Variants in PTPRH observed in about 807,000 individuals in gnomAD.
The protein encoded by PTPRH is receptor-type tyrosine-protein phosphatase H.
Under a neutral mutation model 130.2 loss-of-function variants are expected in PTPRH, and 113 were observed. The ratio of observed to expected loss-of-function variants is 0.87; its 90% CI spans 0.75 to 1.01. PTPRH has a LOEUF of 1.01. Ranked by LOEUF, PTPRH falls within the 50% of genes least tolerant of loss-of-function variation. The pLI is 0.00. For synonymous variants in PTPRH, 556 were observed against 577.9 expected (o/e 0.96, Z 0.54); for missense variants, 1,430 against 1,425.0 (o/e 1.00, Z -0.06).
In PTPRH at chr19:55,196,749, G is replaced by A; in HGVS notation, c.2030C>T (p.Ser677Leu). Reference sequence around the variant, plus strand: ...GATCAAGTTGACTCCATAGCCCGCTGAGGTGCTGACACAGGAAGTGATGGT... The same window carrying A: ...GATCAAGTTGACTCCATAGCCCGCTAAGGTGCTGACACAGGAAGTGATGGT... ...TVTITSCVST[S>L]AGYGVNLIWS... is the part of the protein sequence containing the mutation. Residue 677 changes from serine to leucine, a missense_variant, in exon 10 of 20, where the codon TCA (serine) becomes TTA (leucine). Ser to Leu is a moderately radical substitution (Grantham distance 145). Transcript: ENST00000376350. The A allele has an allele frequency of 6.2e-7, 1 of 1,614,158 alleles. No homozygotes were observed. Among genetic ancestry groups the A allele is most frequent in the Non-Finnish European group, 8.5e-7 (1 of 1,180,024 alleles).
In PTPRH at chr19:55,207,067, C is replaced by T. The variant is rs1477774841; in HGVS notation, c.85+99G>A. ...AAACAACGGCGCTCATAAACCCCTA[C>T]CATGGACCACTGGACCCCACGGGGA... On this transcript the variant is annotated intron_variant, in intron 2 of 19. Coordinates refer to ENST00000376350, the MANE Select transcript of PTPRH (RefSeq NM_002842.5). The T allele has an allele frequency of 1.0e-5, 16 of 1,577,354 alleles. No individual in the cohort carries two copies. In the Admixed American group the frequency reaches 2.9e-4, roughly 28 times the overall value.
chr19:55,203,112 A>G (rs1433790081), intron 5 of PTPRH, among the ~76,000 whole-genome samples: 7 of 151,780 alleles, frequency 4.6e-5, no homozygotes, highest in Non-Finnish European at 5.9e-5. Flanking sequence ...GTGGATCACA[A>G]GGTCAGGAGA....
At chr19:55,206,180 C>T (rs2122338055) in intron 3 of PTPRH, among the ~76,000 whole-genome samples, 1 of 151,720 alleles carries the variant, frequency 6.6e-6, no homozygotes, top group Admixed American at 6.6e-5. Context: ...TTGCAGTGAA[C>T]CAAGATCATG....
intron 14 of PTPRH, 111 bp from the exon 15 acceptor site, chr19:55,186,651 A>G (rs1274549135): frequency 4.8e-6 from 2 of 418,046 alleles, no homozygotes; most frequent in African/African-American, 5.9e-4. Context: ...AGACCCATGG[A>G]CAAAAGTCAT....
chr19:55,197,624 G>A (rs555209730), intron 8 of PTPRH, among the ~76,000 whole-genome samples: 5 of 152,220 alleles, frequency 3.3e-5, no homozygotes, highest in African/African-American at 7.2e-5. Context: ...CTACAGCCCT[G>A]GGTCCCACCC....
chr19:55,183,136 C>T, intron 18 of PTPRH, among the ~76,000 whole-genome samples: 1 of 148,594 alleles, frequency 6.7e-6, no homozygotes. Context: ...TGGCTCACGC[C>T]TGTAATCCCA....
rs753627783 is a variant in PTPRH at position 55,200,358 on chromosome 19, C to T, written c.1298G>A (p.Arg433Gln). Residue 433 changes from arginine to glutamine, a missense_variant, in exon 7 of 20, where the codon CGA becomes CAA. Coordinates refer to ENST00000376350, the MANE Select transcript of PTPRH (RefSeq NM_002842.5). The stretch of plus-strand genomic sequence containing the variant: ...TGTCACACTGGTATTTGTTGTGTTT[C>T]GGGTCTCTGTGCCACCACCGTCTCC... ...YTGDGGGTET[R>Q]NTTNTSVTAE... is the part of the protein sequence containing the mutation. The T allele has an allele frequency of 2.2e-5, 35 of 1,613,908 alleles. No homozygotes were observed. Among genetic ancestry groups the T allele is most frequent in the Middle Eastern group, 1.6e-4 (1 of 6,084 alleles).
intron 12 of PTPRH, among the ~76,000 whole-genome samples, chr19:55,190,550 A>T (rs1007488690): frequency 1.2e-4 from 16 of 133,868 alleles, no homozygotes; most frequent in South Asian, 2.2e-4. Flanking sequence ...TATAATATAT[A>T]ATATATTATA....
chr19:55,198,990 T>G (rs1600053226), intron 7 of PTPRH, 78 bp from the exon 8 acceptor site: 1 of 1,327,492 alleles, frequency 7.5e-7, no homozygotes, highest in Non-Finnish European at 9.8e-7. Flanking sequence ...CGCCCTGTCC[T>G]TGTGCAGCCC....
At position 55,207,289 on chromosome 19, in the gene PTPRH, GCC is replaced by G. The variant is rs1339981112; in HGVS notation, c.52-92_52-91del. 1.9e-5 allele frequency: 26 copies of G among 1,404,244 alleles called. No individual in the cohort carries two copies. The African/African-American group carries it at 3.6e-4, about 19-fold the overall frequency. 87.0% of individuals were successfully genotyped at this position (1,404,244 alleles called of 1,614,324 possible). ...GGGCTGGGAGGAGCGGCTGGTCCCC[GCC>G]CCATGAGTCACCCTTGCATGGGAAG... On this transcript the variant is annotated intron_variant, in intron 1 of 19. Coordinates refer to ENST00000376350, the MANE Select transcript of PTPRH (RefSeq NM_002842.5).
At chr19:55,194,050 A>G (rs762313928) in intron 10 of PTPRH, 7 of 703,428 alleles carry the variant, frequency 1.0e-5, no homozygotes, top group Admixed American at 3.3e-5. Flanking sequence ...GGGTTTCTCC[A>G]TGTTCGTCAG....
rs770613205 is a variant in PTPRH at position 55,197,312 on chromosome 19, A to G, written c.1795T>C (p.Trp599Arg). 1.2e-6 allele frequency: 2 copies of G among 1,614,234 alleles called. No homozygotes were observed. The highest frequency in any genetic ancestry group is 2.2e-5 in the South Asian group (2 of 91,086). Residue 599 changes from tryptophan (W) to arginine (R), a missense_variant, in exon 9 of 20, where the codon TGG becomes CGG. Physicochemically the swap from Trp to Arg is moderately radical, Grantham distance 101. Transcript: ENST00000376350. Reference protein sequence around the residue: ...GDPHSQLYVYWVQWASKGHPR... With the variant: ...GDPHSQLYVYRVQWASKGHPR... ...TGTCCCTTGCTGGCCCACTGGACCC[A>G]GTATACGTACAACTGAGAGTGGGGG... is the stretch of plus-strand genomic sequence containing the variant.
chr19:55,185,464 G>A (rs771874531), intron 18 of PTPRH, 38 bp downstream of exon 18: 19 of 1,605,994 alleles, frequency 1.2e-5, no homozygotes, highest in Admixed American at 3.4e-5. Flanking sequence ...CCAAGGGAGC[G>A]GTTCTCTCAA....
intron 11 of PTPRH, 36 bp from the exon 12 acceptor site, chr19:55,191,584 G>T: frequency 6.2e-7 from 1 of 1,613,210 alleles, no homozygotes; most frequent in Middle Eastern, 1.6e-4. Flanking sequence ...GGCTCAGGGG[G>T]TGAGGCTGCA....
Position 55,205,566 on chromosome 19 carries a change from C to G in PTPRH, c.379G>C (p.Val127Leu). ...ATGGAGCTGTTGGTCTGAGCCTCCA[C>G]TCTCAGGTTCCTCACTGGGTTGGGA... ...TAPNPVRNLR[V>L]EAQTNSSIAL... Residue 127 changes from valine (V) to leucine (L), a missense_variant, in exon 4 of 20, where the codon GTG becomes CTG. By Grantham distance (32) the Val-to-Leu change is conservative (BLOSUM62 1). Transcript: ENST00000376350. 6.2e-7 allele frequency: 1 copy of G among 1,614,248 alleles called. No homozygotes were observed. Among genetic ancestry groups the G allele is most frequent in the Non-Finnish European group, 8.5e-7 (1 of 1,180,044 alleles).
chr19:55,185,130 G>T (rs1344527265), intron 18 of PTPRH, among the ~76,000 whole-genome samples: 1 of 151,916 alleles, frequency 6.6e-6, no homozygotes, highest in Non-Finnish European at 1.5e-5. Context: ...GAGTAGCTGG[G>T]ATTACAGGTG....
chr19:55,189,543 C>T (rs1222106787), intron 12 of PTPRH, among the ~76,000 whole-genome samples: 1 of 152,202 alleles, frequency 6.6e-6, no homozygotes, highest in Admixed American at 6.5e-5. Flanking sequence ...TGTGCTGTTG[C>T]CTCAGGCCCT....
At chr19:55,184,526 C>T (rs962195041) in intron 18 of PTPRH, among the ~76,000 whole-genome samples, 4 of 152,036 alleles carry the variant, frequency 2.6e-5, no homozygotes, top group East Asian at 3.9e-4. Context: ...CGGTGGCTCA[C>T]GCCTGTCATC....
rs760142180 is a variant in PTPRH, at chr19:55,185,977, C to T, written c.2786G>A (p.Cys929Tyr). The change falls in exon 17 of 20, where the codon TGT (cysteine) becomes TAT (tyrosine). Residue 929 changes from cysteine to tyrosine, a missense_variant. Coordinates refer to ENST00000376350, the MANE Select transcript of PTPRH (RefSeq NM_002842.5). The part of the protein sequence containing the change: ...TNCMEAGRVK[C>Y]EHYWPLDSQP... ...CGAGTCCAGAGGCCAGTAATGCTCA[C>T]ACTTCACCTGGGGGAGGAGGAGGGG... 1.7e-5 allele frequency: 27 copies of T among 1,613,822 alleles called. No individual in the cohort carries two copies. The South Asian group carries it at 1.8e-4, about 10-fold the overall frequency.
Sources: allele counts gnomAD v4.1 joint callset (sites outside exome capture counted in the v4.1 genomes callset), GRCh38; gene constraint gnomAD v4.1.1; transcripts MANE v1.5; gene names NCBI Gene and HGNC (gene_info 2026-07-23, HGNC 2026-07-21).